CELF2: variants seen among roughly 807,000 people sequenced by gnomAD.
CELF2 encodes the protein CUGBP Elav-like family member 2.
In CELF2, 8 loss-of-function variants were observed where a neutral mutation model predicts 62.6. That is an observed-to-expected ratio of 0.13 (90% CI 0.07 to 0.23). The LOEUF is 0.23. Among genes scored for constraint, CELF2 ranks in the 10% least tolerant of loss-of-function variants. CELF2 has a pLI of 1.00. For synonymous variants in CELF2, 258 were observed against 250.0 expected, an observed-to-expected ratio of 1.03 and a Z score of -0.30; for missense variants, 333 against 671.0, an observed-to-expected ratio of 0.50 and a Z score of 5.56.
At chr10:11,276,646 C>A (rs1305033941) in intron 8 of CELF2, among the ~76,000 whole-genome samples, 2 of 152,172 alleles carry the variant, frequency 1.3e-5, no homozygotes, top group African/African-American at 4.8e-5. Context: ...ATGGACTCAC[C>A]AGGATCTGAA....
chr10:10,653,654 G>A, the CELF2 span, among the ~76,000 whole-genome samples: 1 of 143,316 alleles, frequency 7.0e-6, no homozygotes, highest in Admixed American at 7.0e-5. Context: ...AAATAAAGAT[G>A]TTCTTTGAAA....
intron 2 of CELF2, among the ~76,000 whole-genome samples, chr10:10,985,124 G>A (rs991243028): frequency 4.6e-5 from 7 of 152,128 alleles, no homozygotes; most frequent in African/African-American, 1.7e-4. Flanking sequence ...CTACGAAGAT[G>A]TTTAAACTGT....
At chr10:10,891,262 A>T (rs1392430954) in intron 1 of CELF2, among the ~76,000 whole-genome samples, 1 of 152,142 alleles carries the variant, frequency 6.6e-6, no homozygotes. Context: ...ATAAATCCTT[A>T]GCCAAATAAG....
the CELF2 span, among the ~76,000 whole-genome samples, chr10:10,587,690 C>G: frequency 6.6e-6 from 1 of 152,060 alleles, no homozygotes; most frequent in Admixed American, 6.5e-5. Context: ...CAGGAAATAC[C>G]AAAACTATCC....
chr10:10,845,698 T>C (rs982918615), intron 1 of CELF2, among the ~76,000 whole-genome samples: 28 of 152,200 alleles, frequency 1.8e-4, no homozygotes, highest in Non-Finnish European at 1.9e-4. Flanking sequence ...ACAATTTTTA[T>C]GTATCAGTTA....
chr10:11,130,409 C>T (rs1194893461), intron 1 of CELF2, among the ~76,000 whole-genome samples: 2 of 152,186 alleles, frequency 1.3e-5, no homozygotes, highest in South Asian at 4.1e-4. Flanking sequence ...ACATGTTGCC[C>T]CTCCTTGCAC....
At chr10:11,002,444 C>G (rs2054610574), upstream of CELF2, among the ~76,000 whole-genome samples, 1 of 152,164 alleles carries the variant, frequency 6.6e-6, no homozygotes, top group Non-Finnish European at 1.5e-5. This position sits in a 1 kb window ranked among gnomAD's most constrained non-coding sequence, Gnocchi z 4.4. Flanking sequence ...TTACACTAAG[C>G]ACTCCTTAAA....
rs560239949 is a variant in CELF2, at chr10:11,194,653, T to C, written c.272-22772T>C. ...CTAGCCCTCCCCATTTTGGTTATTA[T>C]CAGCAAAGATCAGTGACATGTTAAT... is the stretch of plus-strand genomic sequence containing the variant. On this transcript the variant is annotated intron_variant, in intron 2 of 12. Transcript: ENST00000633077. 1.4e-3 allele frequency among the ~76,000 whole-genome samples: 212 copies of C among 152,186 alleles called. 2 individuals are homozygous for C. Among genetic ancestry groups the C allele is most frequent in the Non-Finnish European group, 2.5e-3 (170 of 68,032 alleles).
chr10:11,238,993 G>T (rs565377803), intron 3 of CELF2, among the ~76,000 whole-genome samples: 31 of 152,270 alleles, frequency 2.0e-4, no homozygotes, highest in Middle Eastern at 3.4e-3. Flanking sequence ...CTTGTTTGGT[G>T]TGTGTTTTAT....
the CELF2 span, among the ~76,000 whole-genome samples, chr10:10,790,484 A>G: frequency 1.3e-5 from 2 of 152,198 alleles, no homozygotes; most frequent in Non-Finnish European, 2.9e-5. Flanking sequence ...AAATTCTGAT[A>G]GAGTATAATA....
chr10:11,320,949 T>G, intron 10 of CELF2: 8 of 1,541,706 alleles, frequency 5.2e-6, no homozygotes, highest in Non-Finnish European at 7.0e-6. Context: ...GTCTAACTCG[T>G]GCCACAGTGC....
At chr10:10,613,253 T>A in the CELF2 span, among the ~76,000 whole-genome samples, 2 of 152,206 alleles carry the variant, frequency 1.3e-5, no homozygotes, top group Non-Finnish European at 2.9e-5. Context: ...ATGTGGGGGA[T>A]CGGAATATTA....
chr10:10,641,696 G>A, the CELF2 span, among the ~76,000 whole-genome samples: 1,057 of 152,168 alleles, frequency 6.9e-3, 7 homozygotes, highest in Non-Finnish European at 0.01. Context: ...CAATCTGCCC[G>A]CCTCGGCCTC....
Position 10,978,046 on chromosome 10 carries a change from T to TG in CELF2, c.89+58047_89+58048insG, listed in dbSNP as rs111677794. 1.3e-4 allele frequency among the ~76,000 whole-genome samples: 19 copies of TG among 151,500 alleles called. 1 individual carries two copies. The highest frequency in any genetic ancestry group is 4.4e-4 in the African/African-American group (18 of 41,368). On this transcript the variant is annotated intron_variant, in intron 2 of 13. Transcript: ENST00000636488. Reference sequence around the variant, plus strand: ...TGGGTTTTTTTTTGTTTTTTGTTTTTTTTTTTCCAGAGAAAGATGGTTAAC... The same window carrying TG: ...TGGGTTTTTTTTTGTTTTTTGTTTTTGTTTTTTCCAGAGAAAGATGGTTAAC...
At chr10:11,096,548 A>T (rs896024219) in intron 1 of CELF2, 4 of 152,224 alleles carry the variant, frequency 2.6e-5, no homozygotes, top group African/African-American at 9.6e-5. Flanking sequence ...AATCAAGGAA[A>T]CTGCTGCAAT....
intron 1 of CELF2, among the ~76,000 whole-genome samples, chr10:11,052,527 T>G (rs1043611638): frequency 3.3e-5 from 5 of 152,326 alleles, no homozygotes; most frequent in Middle Eastern, 3.4e-3. Context: ...GGTTATCAGA[T>G]GAACTTTTGT....
chr10:11,028,147 C>T (rs896083903), intron 1 of CELF2, among the ~76,000 whole-genome samples: 2 of 152,108 alleles, frequency 1.3e-5, no homozygotes, highest in Admixed American at 1.3e-4. Context: ...TTTTTCTTCC[C>T]CTCACCTTTC....
chr10:11,232,559 C>T (rs938081529), intron 3 of CELF2, among the ~76,000 whole-genome samples: 12 of 152,096 alleles, frequency 7.9e-5, no homozygotes, highest in East Asian at 1.9e-4. Context: ...ATCTATGGCT[C>T]GGAAAGAAGG....
At chr10:10,814,240 A>AAG (rs57529175) in intron 1 of CELF2, among the ~76,000 whole-genome samples, 5 of 148,190 alleles carry the variant, frequency 3.4e-5, no homozygotes, top group African/African-American at 5.0e-5. Flanking sequence ...AAAAAAAAAA[A>AAG]GCTGCTCTAA....
Sources: allele counts gnomAD v4.1 joint callset (sites outside exome capture counted in the v4.1 genomes callset), GRCh38; gene constraint gnomAD v4.1.1; non-coding constraint Gnocchi (gnomAD v3.1); transcripts MANE v1.5; gene names NCBI Gene and HGNC (gene_info 2026-07-23, HGNC 2026-07-21).